Variants in PDZD8 observed in about 807,000 individuals in gnomAD.
PDZD8 encodes PDZ domain containing 8.
A neutral mutation model predicts 85.8 loss-of-function variants in PDZD8; 14 were observed. The ratio of observed to expected loss-of-function variants is 0.16; its 90% CI spans 0.11 to 0.26. The LOEUF is 0.26. Among genes scored for constraint, PDZD8 ranks in the 10% least tolerant of loss-of-function variants. The probability of loss-of-function intolerance (pLI) is 1.00; values close to 1 mark genes in which losing one functional copy is unlikely to be tolerated. For missense variants in PDZD8, 1,197 were observed against 1,424.3 expected, an observed-to-expected ratio of 0.84 and a Z score of 2.57; for synonymous variants, 592 against 568.6, an observed-to-expected ratio of 1.04 and a Z score of -0.59.
chr10:117,355,394 T>C (rs1233504926), intron 1 of PDZD8, among the ~76,000 whole-genome samples: 1 of 152,242 alleles, frequency 6.6e-6, no homozygotes, highest in Non-Finnish European at 1.5e-5. Context: ...ACTATTTATG[T>C]ATCTGTCTCC....
chr10:117,337,814 G>A (rs897766308), intron 2 of PDZD8, among the ~76,000 whole-genome samples: 4 of 152,110 alleles, frequency 2.6e-5, no homozygotes, highest in Non-Finnish European at 4.4e-5. Flanking sequence ...AACTTGCCTA[G>A]TGACACTATA....
At chr10:117,347,832 C>T (rs971602797) in intron 1 of PDZD8, among the ~76,000 whole-genome samples, 2 of 152,066 alleles carry the variant, frequency 1.3e-5, no homozygotes, top group Admixed American at 6.6e-5. Context: ...ACAGCCAGTA[C>T]GTCCTGAAGC....
chr10:117,354,368 A>T (rs1399145618), intron 1 of PDZD8, among the ~76,000 whole-genome samples: 1 of 152,178 alleles, frequency 6.6e-6, no homozygotes, highest in Non-Finnish European at 1.5e-5. Flanking sequence ...AAGCACACAA[A>T]TTCTGGTTTT....
chr10:117,287,194 T>G (rs1053349862), intron 4 of PDZD8, among the ~76,000 whole-genome samples: 2 of 152,148 alleles, frequency 1.3e-5, no homozygotes, highest in African/African-American at 4.8e-5. Context: ...ATCCTTAAAC[T>G]TTTTCTTCCT....
Position 117,283,027 on chromosome 10 carries a change from G to C in PDZD8, c.*241C>G. Reference sequence around the variant, plus strand: ...ATAATTAGAAAAGTTAAATAATTTAGTAAAAATAAATTCCCAGTATAAACC... The same window carrying C: ...ATAATTAGAAAAGTTAAATAATTTACTAAAAATAAATTCCCAGTATAAACC... On this transcript the variant is annotated 3_prime_UTR_variant, in exon 5 of 5. Transcript: ENST00000334464. 1 of 431,650 alleles carries C rather than the reference G, an allele frequency of 2.3e-6. No homozygotes were observed. Among genetic ancestry groups the C allele is most frequent in the Non-Finnish European group, 4.1e-6 (1 of 246,488 alleles). 26.7% of individuals were successfully genotyped at this position (431,650 alleles called of 1,614,324 possible). A position where few individuals can be genotyped will look rare whatever the true frequency, so the allele number is the denominator to read the frequency against.
Position 117,284,711 on chromosome 10 carries a change from G to A in PDZD8, c.2022C>T (p.Asp674=), listed in dbSNP as rs149359222. The change falls in exon 5 of 5, where the codon GAC becomes GAT. Residue 674 remains aspartate (D), a synonymous_variant. Transcript: ENST00000334464. Reference sequence around the variant, plus strand: ...CTGATGATTCCCATGTTTGACGGTCGTCCGAACTGTCCTTAGTAGGGCAGG... The same window carrying A: ...CTGATGATTCCCATGTTTGACGGTCATCCGAACTGTCCTTAGTAGGGCAGG... ...ETSCPTKDSS[D]DRQTWESSEI... 7.2e-5 allele frequency: 117 copies of A among 1,614,172 alleles called. No homozygotes were observed. The African/African-American group carries it at 1.1e-3, about 15-fold the overall frequency.
Position 117,374,398 on chromosome 10 carries a change from T to G in PDZD8, c.830A>C (p.Lys277Thr). 1 of 1,614,226 alleles carries G rather than the reference T, an allele frequency of 6.2e-7. No homozygotes were observed. ...LTSIIVNQLK[K>T]IIKRKHTLPN... Reference sequence around the variant, plus strand: ...TAGGGTGTGCTTGCGCTTGATGATCTTCTTGAGCTGGTTGACGATGATGGA... The same window carrying G: ...TAGGGTGTGCTTGCGCTTGATGATCGTCTTGAGCTGGTTGACGATGATGGA... The change falls in exon 1 of 5, where the codon AAG becomes ACG. Residue 277 changes from lysine to threonine, a missense_variant. Physicochemically the swap from Lys to Thr is moderately conservative, Grantham distance 78 (BLOSUM62 -1). Transcript: ENST00000334464. This position sits in a 1 kb window ranked among gnomAD's most constrained non-coding sequence, Gnocchi z 7.8.
At chr10:117,311,956 G>C (rs1844044896) in intron 3 of PDZD8, among the ~76,000 whole-genome samples, 1 of 151,894 alleles carries the variant, frequency 6.6e-6, no homozygotes, top group African/African-American at 2.4e-5. Flanking sequence ...ATGGCTGTCA[G>C]ACACATTGTC....
At chr10:117,329,929 G>A (rs1304697443) in intron 2 of PDZD8, among the ~76,000 whole-genome samples, 1 of 145,106 alleles carries the variant, frequency 6.9e-6, no homozygotes, top group Non-Finnish European at 1.5e-5. Context: ...CTTGGTGACA[G>A]AATGAGACCC....
intron 1 of PDZD8, among the ~76,000 whole-genome samples, chr10:117,356,090 T>C (rs544323986): frequency 1.1e-4 from 17 of 152,154 alleles, no homozygotes; most frequent in Non-Finnish European, 2.2e-4. Flanking sequence ...TAAGTCATTA[T>C]AATGAATAGA....
rs1844736018 is a variant in PDZD8 at position 117,290,308 on chromosome 10, G to A, written c.1139C>T (p.Thr380Ile). 1 of 1,611,780 alleles carries A rather than the reference G, an allele frequency of 6.2e-7. No homozygotes were observed. Among genetic ancestry groups the A allele is most frequent in the East Asian group, 2.2e-5 (1 of 44,870 alleles). ...ATCAGTTGACTGGACAAGACGAAGTGTAAGTCCAACACTTTGTAAATTTCC... is the reference window on the plus strand; with the variant it reads ...ATCAGTTGACTGGACAAGACGAAGTATAAGTCCAACACTTTGTAAATTTCC... ...IKGNLQSVGLTLRLVQSTDGY... is the reference protein window; with the variant it reads ...IKGNLQSVGLILRLVQSTDGY... Residue 380 changes from threonine to isoleucine, a missense_variant, in exon 4 of 5, where the codon ACA becomes ATA. Transcript: ENST00000334464.
intron 2 of PDZD8, among the ~76,000 whole-genome samples, chr10:117,325,614 G>A (rs1161345848): frequency 6.6e-6 from 1 of 151,742 alleles, no homozygotes; most frequent in Non-Finnish European, 1.5e-5. Flanking sequence ...TATTGGCCAG[G>A]CTGGTTTCAA....
chr10:117,321,945 A>G (rs1390214200), intron 2 of PDZD8, among the ~76,000 whole-genome samples: 1 of 152,220 alleles, frequency 6.6e-6, no homozygotes, highest in Non-Finnish European at 1.5e-5. Context: ...ATACATATTA[A>G]TAACATTCTT....
intron 1 of PDZD8, among the ~76,000 whole-genome samples, chr10:117,344,639 G>A (rs901348255): frequency 1.2e-4 from 18 of 151,990 alleles, no homozygotes; most frequent in Non-Finnish European, 2.1e-4. Flanking sequence ...TGCCCACCTC[G>A]GCCTCCCAAA....
At chr10:117,300,591 T>A (rs1271240003) in intron 3 of PDZD8, among the ~76,000 whole-genome samples, 2 of 152,140 alleles carry the variant, frequency 1.3e-5, no homozygotes, top group African/African-American at 2.4e-5. Context: ...ATGCTACAGA[T>A]CTTCCAAAGG....
In PDZD8 at chr10:117,375,118, T is replaced by A; in HGVS notation, c.110A>T (p.Glu37Val). The change falls in exon 1 of 5, where the codon GAG becomes GTG. Residue 37 changes from glutamate to valine, a missense_variant. Glu to Val is a moderately radical substitution (Grantham distance 121). Transcript: ENST00000334464. ...YRRQPEPPAD[E>V]AARAGEGFRY... ...GAAGCCCTCGCCCGCGCGGGCGGCC[T>A]CGTCCGCCGGCGGCTCGGGCTGTCT... is the stretch of plus-strand genomic sequence containing the variant. The A allele has an allele frequency of 6.3e-7, 1 of 1,592,600 alleles. No individual in the cohort carries two copies. The highest frequency in any genetic ancestry group is 8.5e-7 in the Non-Finnish European group (1 of 1,175,254).
intron 3 of PDZD8, among the ~76,000 whole-genome samples, chr10:117,306,981 A>G (rs1395020845): frequency 6.6e-6 from 1 of 152,164 alleles, no homozygotes; most frequent in Admixed American, 6.5e-5. Context: ...TATCTAATCT[A>G]CAGACCTTAT....
At chr10:117,366,454 G>A (rs1564714764) in intron 1 of PDZD8, among the ~76,000 whole-genome samples, 1 of 152,132 alleles carries the variant, frequency 6.6e-6, no homozygotes, top group South Asian at 2.1e-4. Context: ...GTTGAGGGGG[G>A]TGTATTTTTA....
At chr10:117,345,042 A>C (rs1160832386) in intron 1 of PDZD8, among the ~76,000 whole-genome samples, 1 of 152,218 alleles carries the variant, frequency 6.6e-6, no homozygotes, top group Non-Finnish European at 1.5e-5. Context: ...GGTATCACCC[A>C]GAGAGAAGCC....
Sources: allele counts gnomAD v4.1 joint callset (sites outside exome capture counted in the v4.1 genomes callset), GRCh38; gene constraint gnomAD v4.1.1; non-coding constraint Gnocchi (gnomAD v3.1); transcripts MANE v1.5; gene names NCBI Gene and HGNC (gene_info 2026-07-23, HGNC 2026-07-21).